The following WWOX variants were observed in gnomAD, a reference collection of about 807,000 sequenced individuals.
WWOX encodes WW domain containing oxidoreductase.
In WWOX, 69 loss-of-function variants were observed where a neutral mutation model predicts 46.2. The observed-to-expected ratio is 1.49, with a 90% CI of 1.23 to 1.82. The LOEUF (loss-of-function observed/expected upper bound fraction) is 1.82. Ranked by LOEUF, WWOX falls within the 40% of genes most tolerant of loss-of-function variation. WWOX has a pLI of 0.00. For missense variants in WWOX, 919 were observed against 542.6 expected (o/e 1.69, Z -6.89); for synonymous variants, 359 against 202.6 (o/e 1.77, Z -6.56).
In WWOX at chr16:78,254,866, T is replaced by C. The variant is rs183897808; in HGVS notation, c.516+90577T>C. ...TAAGAGCCCTCTTGGGGCTCTGATA[T>C]GCACCTCTCATACCTCAGCCCCAGT... On this transcript the variant is annotated intron_variant, in intron 5 of 8. Transcript: ENST00000566780. Among the ~76,000 whole-genome samples, 20 of 152,288 alleles carry C rather than the reference T, an allele frequency of 1.3e-4. No individual in the cohort carries two copies. In the East Asian group the frequency reaches 3.7e-3, roughly 28 times the overall value.
At chr16:79,130,834 C>G (rs1597401377) in intron 8 of WWOX, among the ~76,000 whole-genome samples, 1 of 152,162 alleles carries the variant, frequency 6.6e-6, no homozygotes, top group Non-Finnish European at 1.5e-5. Context: ...TTTCCATGTT[C>G]TCCGCACAGT....
intron 5 of WWOX, among the ~76,000 whole-genome samples, chr16:78,313,738 C>T (rs1398120815): frequency 1.3e-5 from 2 of 152,168 alleles, no homozygotes; most frequent in African/African-American, 4.8e-5. Context: ...AATGCTGAGT[C>T]CCCTTGTCTA....
At chr16:78,867,415 A>G (rs1239230506) in intron 8 of WWOX, among the ~76,000 whole-genome samples, 1 of 152,152 alleles carries the variant, frequency 6.6e-6, no homozygotes, top group Non-Finnish European at 1.5e-5. Flanking sequence ...GTGACTCTTC[A>G]TAATCTAGAG....
intron 8 of WWOX, among the ~76,000 whole-genome samples, chr16:78,747,544 A>G (rs1217531891): frequency 6.6e-6 from 1 of 152,206 alleles, no homozygotes; most frequent in Non-Finnish European, 1.5e-5. Context: ...CGTAATGTTC[A>G]GATGAGGAAA....
intron 8 of WWOX, among the ~76,000 whole-genome samples, chr16:78,928,758 A>T (rs1247648440): frequency 1.3e-5 from 2 of 152,106 alleles, no homozygotes; most frequent in African/African-American, 2.4e-5. Flanking sequence ...TGTTTCTGTG[A>T]TGTGTATAAA....
At chr16:78,736,718 G>A (rs112476162) in intron 8 of WWOX, among the ~76,000 whole-genome samples, 48 of 152,148 alleles carry the variant, frequency 3.2e-4, no homozygotes, top group African/African-American at 8.2e-4. Context: ...CCACCTCAAC[G>A]TCCTGAGTAG....
intron 8 of WWOX, among the ~76,000 whole-genome samples, chr16:78,650,160 A>C (rs72794710): frequency 0.051 from 7,820 of 152,304 alleles, 282 homozygotes; most frequent in Non-Finnish European, 0.076. Flanking sequence ...TAAGGAAAAT[A>C]AAAAAGAGTG....
chr16:79,031,638 T>G (rs914762724), intron 8 of WWOX, among the ~76,000 whole-genome samples: 1 of 151,458 alleles, frequency 6.6e-6, no homozygotes, highest in East Asian at 1.9e-4. Flanking sequence ...TGAGGTAAAT[T>G]TACTTAATTT....
intron 8 of WWOX, among the ~76,000 whole-genome samples, chr16:79,137,995 C>T (rs980534361): frequency 2.0e-5 from 3 of 152,168 alleles, no homozygotes; most frequent in African/African-American, 7.2e-5. Flanking sequence ...GACCCGTTTA[C>T]ATTCCAAGGA....
In WWOX at chr16:78,104,239, C is replaced by CAT. The variant is rs1397358486; in HGVS notation, c.108-4183_108-4182insTA. ...ACTTACACTGTGCTCAAAACACACA[C>CAT]ACACACACACACACACACACACACA... On this transcript the variant is annotated intron_variant, in intron 1 of 8. Coordinates refer to ENST00000566780, the MANE Select transcript of WWOX (RefSeq NM_016373.4). 2.0e-5 allele frequency among the ~76,000 whole-genome samples: 3 copies of CAT among 147,586 alleles called. No homozygotes were observed. In the East Asian group the frequency reaches 5.9e-4, roughly 29 times the overall value.
intron 8 of WWOX, among the ~76,000 whole-genome samples, chr16:79,026,778 C>A (rs901021047): frequency 9.7e-6 from 1 of 103,194 alleles, no homozygotes; most frequent in African/African-American, 4.0e-5. Flanking sequence ...CCACCACGCC[C>A]GGCTAATTTT....
At chr16:78,801,003 T>G (rs1324463043) in intron 8 of WWOX, among the ~76,000 whole-genome samples, 1 of 152,044 alleles carries the variant, frequency 6.6e-6, no homozygotes, top group Non-Finnish European at 1.5e-5. Context: ...TAATAGTTTA[T>G]TTATTTCATG....
At chr16:78,366,679 A>C (rs1168073838) in intron 5 of WWOX, among the ~76,000 whole-genome samples, 1 of 152,178 alleles carries the variant, frequency 6.6e-6, no homozygotes, top group Admixed American at 6.5e-5. Context: ...ATGCTATTAA[A>C]GCTGAGTATT....
intron 6 of WWOX, among the ~76,000 whole-genome samples, chr16:78,406,335 TA>T (rs1567553414): frequency 8.7e-5 from 9 of 102,994 alleles, no homozygotes; most frequent in African/African-American, 1.2e-4. Context: ...TATATATATA[TA>T]TATATATATA....
intron 8 of WWOX, among the ~76,000 whole-genome samples, chr16:78,558,298 A>G (rs1477752437): frequency 6.6e-6 from 1 of 152,156 alleles, no homozygotes; most frequent in Non-Finnish European, 1.5e-5. Flanking sequence ...GAAGCTGCAA[A>G]TTGCTGGCTT....
In WWOX at chr16:78,708,752, T is replaced by C. The variant is rs375404366; in HGVS notation, c.1056+276000T>C. 1.6e-4 allele frequency among the ~76,000 whole-genome samples: 24 copies of C among 152,274 alleles called. 1 individual carries two copies. The highest frequency in any genetic ancestry group is 4.8e-4 in the African/African-American group (20 of 41,558). On this transcript the variant is annotated intron_variant, in intron 8 of 8. Transcript: ENST00000566780. ...AAATGGCTTTAAAAAATTAAAAAGA[T>C]ACATGACGTTGAAATCAGTGACAGA...
intron 8 of WWOX, among the ~76,000 whole-genome samples, chr16:78,640,536 A>G (rs968535485): frequency 2.6e-5 from 4 of 152,080 alleles, no homozygotes; most frequent in Non-Finnish European, 1.5e-5. Context: ...CCCGTGCTGA[A>G]TATGTAGGTG....
intron 5 of WWOX, among the ~76,000 whole-genome samples, chr16:78,378,939 A>G (rs1263345543): frequency 6.6e-6 from 1 of 152,222 alleles, no homozygotes; most frequent in African/African-American, 2.4e-5. Flanking sequence ...CGTCTTCAAG[A>G]ATATGACGAC....
chr16:79,150,518 G>T (rs1288028628), intron 8 of WWOX, among the ~76,000 whole-genome samples: 1 of 152,202 alleles, frequency 6.6e-6, no homozygotes, highest in African/African-American at 2.4e-5. Flanking sequence ...AAGATAGTGT[G>T]CATGCCTCAT....
Sources: gnomAD v4.1 joint callset for allele counts (sites outside exome capture counted in the v4.1 genomes callset) on GRCh38, gnomAD v4.1.1 for gene constraint, MANE v1.5 for transcripts, NCBI Gene and HGNC (gene_info 2026-07-23, HGNC 2026-07-21) for gene names.